ADCY2: variants seen among roughly 807,000 people sequenced by gnomAD.
ADCY2 encodes the protein adenylate cyclase type 2.
Under a neutral mutation model 125.2 loss-of-function variants are expected in ADCY2, and 31 were observed. The observed-to-expected ratio is 0.25, with a 90% CI of 0.19 to 0.33. The LOEUF (loss-of-function observed/expected upper bound fraction) is 0.33, where lower values mean the gene tolerates loss of function less well. Ranked by LOEUF, ADCY2 falls within the 10% of genes least tolerant of loss-of-function variation. The probability of loss-of-function intolerance (pLI) is 1.00; values close to 1 mark genes in which losing one functional copy is unlikely to be tolerated. For synonymous variants in ADCY2, 512 were observed against 548.4 expected, an observed-to-expected ratio of 0.93 and a Z score of 0.93; for missense variants, 904 against 1,418.2, an observed-to-expected ratio of 0.64 and a Z score of 5.82.
intron 3 of ADCY2, among the ~76,000 whole-genome samples, chr5:7,621,782 G>A (rs1737963338): frequency 6.6e-6 from 1 of 152,188 alleles, no homozygotes; most frequent in Admixed American, 6.5e-5. Context: ...CCTCTGAGAA[G>A]CATGTGAAGT....
rs1019842187 is a variant in ADCY2 at position 7,695,974 on chromosome 5, A to G, written c.981+111A>G. Reference sequence around the variant, plus strand: ...TTTCATAAAAGCATCCTTTAGGAACATTGTTTGTAGAAGTTGTTGGATTTC... The same window carrying G: ...TTTCATAAAAGCATCCTTTAGGAACGTTGTTTGTAGAAGTTGTTGGATTTC... On this transcript the variant is annotated intron_variant, in intron 6 of 24. Coordinates refer to ENST00000338316, the MANE Select transcript of ADCY2 (RefSeq NM_020546.3). 17 of 649,966 alleles carry G rather than the reference A, an allele frequency of 2.6e-5. No individual in the cohort carries two copies. In the South Asian group the frequency reaches 3.2e-4, roughly 12 times the overall value. 40.3% of individuals were successfully genotyped at this position (649,966 alleles called of 1,614,324 possible).
chr5:7,418,747 C>T (rs1740065982), intron 2 of ADCY2, among the ~76,000 whole-genome samples: 1 of 149,302 alleles, frequency 6.7e-6, no homozygotes, highest in African/African-American at 2.5e-5. Flanking sequence ...CCTCCGCCTC[C>T]TGGGTTCAAG....
At chr5:7,732,795 G>A (rs1457868671) in intron 14 of ADCY2, among the ~76,000 whole-genome samples, 1 of 152,158 alleles carries the variant, frequency 6.6e-6, no homozygotes, top group Non-Finnish European at 1.5e-5. Flanking sequence ...TTTGTTACCT[G>A]GAAAGGACCA....
rs1491134389 is a variant in ADCY2 at position 7,763,847 on chromosome 5, T to TGTACCTCAAAGGGGAGAG, written c.2095-2839_2095-2822dup. Among the ~76,000 whole-genome samples the TGTACCTCAAAGGGGAGAG allele has an allele frequency of 2.0e-5, 3 of 152,314 alleles. No individual in the cohort carries two copies. In the East Asian group the frequency reaches 5.8e-4, roughly 29 times the overall value. ...TCTCTGTCATCGCTTGCCATGACTC[T>TGTACCTCAAAGGGGAGAG]GTACCTCAAAGGGGAGAGATGCATT... On this transcript the variant is annotated intron_variant, in intron 16 of 24. Coordinates refer to ENST00000338316, the MANE Select transcript of ADCY2 (RefSeq NM_020546.3).
chr5:7,754,444 C>A (rs1020683242), intron 15 of ADCY2, among the ~76,000 whole-genome samples: 2 of 152,098 alleles, frequency 1.3e-5, no homozygotes, highest in African/African-American at 4.8e-5. Flanking sequence ...TTTTCATTAT[C>A]ATATCTATTG....
chr5:7,431,454 C>A (rs868667861), intron 2 of ADCY2, among the ~76,000 whole-genome samples: 1 of 151,412 alleles, frequency 6.6e-6, no homozygotes, highest in Admixed American at 6.6e-5. Context: ...TGGAAGAAAA[C>A]ATGAAGAAAG....
At chr5:7,811,500 C>CA (rs960087059) in intron 22 of ADCY2, among the ~76,000 whole-genome samples, 1,388 of 120,034 alleles carry the variant, frequency 0.012, 38 homozygotes, top group African/African-American at 0.047. Flanking sequence ...GACTCTGTCT[C>CA]AAAAAAAAAA....
At chr5:7,697,248 A>C (rs1740923740) in intron 6 of ADCY2, among the ~76,000 whole-genome samples, 1 of 152,148 alleles carries the variant, frequency 6.6e-6, no homozygotes, top group Admixed American at 6.5e-5. Flanking sequence ...GACACAATTC[A>C]TTACCCATAA....
At chr5:7,766,982 G>A (rs955211445) in intron 17 of ADCY2, among the ~76,000 whole-genome samples, 176 bp downstream of exon 17, 5 of 152,238 alleles carry the variant, frequency 3.3e-5, no homozygotes, top group Admixed American at 2.0e-4. Flanking sequence ...TGGGCCCTTG[G>A]GAACTGGCTA....
intron 3 of ADCY2, among the ~76,000 whole-genome samples, chr5:7,554,242 C>T (rs1038831899): frequency 3.3e-5 from 5 of 152,082 alleles, no homozygotes; most frequent in Non-Finnish European, 7.4e-5. Context: ...TTCTTTCAAA[C>T]GAAAAGTAAG....
intron 3 of ADCY2, among the ~76,000 whole-genome samples, chr5:7,623,775 G>A (rs978397912): frequency 2.6e-5 from 4 of 152,162 alleles, no homozygotes; most frequent in Admixed American, 1.3e-4. Flanking sequence ...CACAGAGCAC[G>A]TGTGTTACCT....
intron 3 of ADCY2, among the ~76,000 whole-genome samples, chr5:7,547,099 A>T (rs1464223317): frequency 6.6e-6 from 1 of 152,290 alleles, no homozygotes; most frequent in East Asian, 1.9e-4. Context: ...GCTGCTACTG[A>T]TGAGGAACTA....
intron 9 of ADCY2, among the ~76,000 whole-genome samples, chr5:7,708,547 T>C (rs1255094307): frequency 6.6e-6 from 1 of 152,230 alleles, no homozygotes; most frequent in African/African-American, 2.4e-5. Flanking sequence ...TCAGGGGTTA[T>C]GTAATTCTTC....
chr5:7,699,741 C>T (rs1741020171), intron 7 of ADCY2, among the ~76,000 whole-genome samples: 1 of 152,234 alleles, frequency 6.6e-6, no homozygotes, highest in Non-Finnish European at 1.5e-5. Flanking sequence ...GCAAGCACCA[C>T]CACATCCAGC....
intron 4 of ADCY2, among the ~76,000 whole-genome samples, chr5:7,687,211 A>T (rs575280343): frequency 3.9e-5 from 6 of 152,190 alleles, no homozygotes; most frequent in African/African-American, 1.2e-4. Flanking sequence ...ATCCTTCTAC[A>T]TTTGGGTCTA....
At chr5:7,703,292 T>C (rs1404277790) in intron 7 of ADCY2, among the ~76,000 whole-genome samples, 14 of 152,194 alleles carry the variant, frequency 9.2e-5, no homozygotes, top group Admixed American at 7.2e-4. Context: ...GACATGAAGT[T>C]CTTGCCCATG....
intron 2 of ADCY2, among the ~76,000 whole-genome samples, chr5:7,499,520 A>C (rs1743468946): frequency 1.3e-5 from 2 of 151,920 alleles, no homozygotes; most frequent in African/African-American, 4.8e-5. Flanking sequence ...GAGAAGAAAA[A>C]TAAAGTGAGT....
intron 3 of ADCY2, among the ~76,000 whole-genome samples, chr5:7,597,328 C>A (rs1467157082): frequency 6.6e-6 from 1 of 152,182 alleles, no homozygotes; most frequent in Non-Finnish European, 1.5e-5. Context: ...AGTTGGGCAC[C>A]TCAGGCTGCG....
At chr5:7,419,181 C>G (rs1437287780) in intron 2 of ADCY2, among the ~76,000 whole-genome samples, 1 of 152,170 alleles carries the variant, frequency 6.6e-6, no homozygotes, top group East Asian at 1.9e-4. Context: ...ACAGTCTATG[C>G]AGGACCACTC....
Sources: gnomAD v4.1 joint callset for allele counts (sites outside exome capture counted in the v4.1 genomes callset) on GRCh38, gnomAD v4.1.1 for gene constraint, MANE v1.5 for transcripts, NCBI Gene and HGNC (gene_info 2026-07-23, HGNC 2026-07-21) for gene names.